Variants in MARCHF1 observed in about 807,000 individuals in gnomAD.
The protein encoded by MARCHF1 is E3 ubiquitin-protein ligase MARCHF1.
A neutral mutation model predicts 54.2 loss-of-function variants in MARCHF1; 40 were observed. That is an observed-to-expected ratio of 0.74 (90% CI 0.57 to 0.96). The LOEUF is 0.96. Ranked by LOEUF, MARCHF1 falls within the 40% of genes least tolerant of loss-of-function variation. The pLI is 0.00. For missense variants in MARCHF1, 586 were observed against 656.5 expected (o/e 0.89, Z 1.17); for synonymous variants, 236 against 236.3 (o/e 1.00, Z 0.01).
In MARCHF1 at chr4:163,865,670, T is replaced by G. The variant is rs998674574; in HGVS notation, c.-38-11501A>C. On this transcript the variant is annotated intron_variant, in intron 3 of 9. Transcript: ENST00000514618. ...ATAACAGATAGGCATGAGTGAATATTTAATATAAATATTTTACATACATTT... is the reference window on the plus strand; with the variant it reads ...ATAACAGATAGGCATGAGTGAATATGTAATATAAATATTTTACATACATTT... Among the ~76,000 whole-genome samples, 4 of 151,756 alleles carry G rather than the reference T, an allele frequency of 2.6e-5. No homozygotes were observed. In the Admixed American group the frequency reaches 2.6e-4, roughly 10 times the overall value.
intron 1 of MARCHF1, among the ~76,000 whole-genome samples, chr4:164,344,039 C>T (rs1730003217): frequency 6.6e-6 from 1 of 152,118 alleles, no homozygotes; most frequent in Non-Finnish European, 1.5e-5. Flanking sequence ...GACTACTATG[C>T]AGCCATAAGA....
At chr4:163,631,338 G>A (rs755746329) in intron 5 of MARCHF1, among the ~76,000 whole-genome samples, 2 of 151,856 alleles carry the variant, frequency 1.3e-5, no homozygotes, top group South Asian at 2.1e-4. Flanking sequence ...GATTACAGGC[G>A]CCTGCTGCCA....
intron 2 of MARCHF1, among the ~76,000 whole-genome samples, chr4:164,071,490 T>C (rs1189227813): frequency 6.6e-6 from 1 of 152,138 alleles, no homozygotes. Context: ...TACAAACTAG[T>C]GATATCCTTA....
At chr4:164,345,206 A>G (rs1286646743) in intron 1 of MARCHF1, among the ~76,000 whole-genome samples, 1 of 152,196 alleles carries the variant, frequency 6.6e-6, no homozygotes, top group South Asian at 2.1e-4. Flanking sequence ...TTCACCATAC[A>G]TTATGTGTCT....
At chr4:164,040,230 CA>C (rs1754096532) in intron 2 of MARCHF1, among the ~76,000 whole-genome samples, 1 of 143,192 alleles carries the variant, frequency 7.0e-6, no homozygotes, top group African/African-American at 2.5e-5. Flanking sequence ...TATATGTACA[CA>C]TGTATATACT....
At chr4:163,823,011 AT>A (rs760760960) in intron 4 of MARCHF1, among the ~76,000 whole-genome samples, 30 of 151,976 alleles carry the variant, frequency 2.0e-4, no homozygotes, top group Non-Finnish European at 4.3e-4. Flanking sequence ...CATTATGCTA[AT>A]AACACAAACA....
At chr4:163,569,794 T>A (rs1739781322) in intron 8 of MARCHF1, among the ~76,000 whole-genome samples, 1 of 152,166 alleles carries the variant, frequency 6.6e-6, no homozygotes, top group Non-Finnish European at 1.5e-5. Context: ...AATATTTGAA[T>A]GCATCTGTAC....
At chr4:163,572,460 T>G (rs538834482) in intron 8 of MARCHF1, among the ~76,000 whole-genome samples, 1 of 152,078 alleles carries the variant, frequency 6.6e-6, no homozygotes, top group East Asian at 1.9e-4. Context: ...CTCAAAGTGG[T>G]TAAGTGCAGA....
chr4:163,713,188 T>C (rs1217745125), intron 4 of MARCHF1, among the ~76,000 whole-genome samples: 1 of 151,950 alleles, frequency 6.6e-6, no homozygotes. Flanking sequence ...ATTGGAAAAA[T>C]AGTAGAAGGT....
chr4:163,883,361 T>TTC (rs1750462001), intron 3 of MARCHF1, among the ~76,000 whole-genome samples: 1 of 151,306 alleles, frequency 6.6e-6, no homozygotes, highest in Non-Finnish European at 1.5e-5. Flanking sequence ...TTTTTTTTTT[T>TTC]TGCCCTCTAC....
At chr4:163,669,577 TTTTGAGATG>T (rs999189632) in intron 5 of MARCHF1, among the ~76,000 whole-genome samples, 3 of 149,902 alleles carry the variant, frequency 2.0e-5, no homozygotes, top group Non-Finnish European at 3.0e-5. Flanking sequence ...CAAGGTCTTC[TTTTGAGATG>T]TTTGAGATGT....
At chr4:164,377,367 T>C (rs1046419891) in intron 1 of MARCHF1, among the ~76,000 whole-genome samples, 1 of 152,176 alleles carries the variant, frequency 6.6e-6, no homozygotes, top group African/African-American at 2.4e-5. Flanking sequence ...GAGATAAACA[T>C]AGTACTAGCT....
chr4:163,836,803 C>T (rs1388564283), intron 4 of MARCHF1, among the ~76,000 whole-genome samples: 2 of 150,386 alleles, frequency 1.3e-5, no homozygotes, highest in African/African-American at 4.9e-5. Flanking sequence ...GATGACAGGA[C>T]TACAATAGAA....
In MARCHF1 at chr4:163,526,723, T is replaced by A. The variant is rs541652581; in HGVS notation, c.*2025A>T. On this transcript the variant is annotated 3_prime_UTR_variant, in exon 10 of 10. Transcript: ENST00000514618. ...TTTGGTTCAGTTTAGTTACCTCAAC[T>A]TTGCTTTCCCTGTGCTTATAACAAG... 6.6e-6 allele frequency: 1 copy of A among 152,050 alleles called. No individual in the cohort carries two copies. The highest frequency in any genetic ancestry group is 1.5e-5 in the Non-Finnish European group (1 of 67,954). The allele number at this position is 152,050 out of a possible 1,614,324, so 9.4% of individuals were successfully genotyped here.
At chr4:164,302,946 G>C (rs143065891) in intron 1 of MARCHF1, among the ~76,000 whole-genome samples, 2,589 of 151,716 alleles carry the variant, frequency 0.017, 56 homozygotes, top group East Asian at 0.091. Flanking sequence ...TCTATCTGCA[G>C]GATGAGGGAG....
intron 4 of MARCHF1, 24 bp downstream of exon 4, chr4:163,853,997 G>C (rs1476319816): frequency 6.5e-7 from 1 of 1,534,054 alleles, no homozygotes; most frequent in Admixed American, 2.0e-5. Flanking sequence ...AAGCCAATTT[G>C]AGGTAAAGTA....
At chr4:163,912,804 A>C (rs1751223720) in intron 3 of MARCHF1, among the ~76,000 whole-genome samples, 2 of 152,196 alleles carry the variant, frequency 1.3e-5, no homozygotes, top group South Asian at 2.1e-4. Flanking sequence ...TAGAAACCAA[A>C]ATGTATTTCT....
intron 1 of MARCHF1, among the ~76,000 whole-genome samples, chr4:164,195,863 A>G (rs963392059): frequency 1.3e-5 from 2 of 150,766 alleles, no homozygotes; most frequent in African/African-American, 4.9e-5. Context: ...TTTATACATG[A>G]TATTAGTTAA....
rs199809437 is a variant in MARCHF1, at chr4:164,027,692, AAAT to A, written c.-247-38986_-247-38984del. ...TACCATTCTCAATATCAGCCTTGGCAAATAATGTTTGGCTAAGTTCCCAAAAGC... is the reference window on the plus strand; with the variant it reads ...TACCATTCTCAATATCAGCCTTGGCAAATGTTTGGCTAAGTTCCCAAAAGC... On this transcript the variant is annotated intron_variant, in intron 2 of 9. Coordinates refer to ENST00000514618, the MANE Select transcript of MARCHF1 (RefSeq NM_001394959.1). Among the ~76,000 whole-genome samples, 855 of 152,288 alleles carry A rather than the reference AAAT, an allele frequency of 5.6e-3. 29 individuals carry two copies. The highest frequency in any genetic ancestry group is 0.02 in the East Asian group (106 of 5,182).
Sources: gnomAD v4.1 joint callset for allele counts (sites outside exome capture counted in the v4.1 genomes callset) on GRCh38, gnomAD v4.1.1 for gene constraint, MANE v1.5 for transcripts, NCBI Gene and HGNC (gene_info 2026-07-23, HGNC 2026-07-21) for gene names.